PKIA: variants seen among roughly 807,000 people sequenced by gnomAD.
PKIA encodes cAMP-dependent protein kinase inhibitor alpha.
Under a neutral mutation model 7.6 loss-of-function variants are expected in PKIA, and 4 were observed. That is an observed-to-expected ratio of 0.52 (90% CI 0.26 to 1.20). PKIA has a LOEUF of 1.20. Among genes scored for constraint, PKIA ranks in the 50% most tolerant of loss-of-function variants. PKIA has a pLI of 0.13. For missense variants in PKIA, 73 were observed against 86.2 expected, an observed-to-expected ratio of 0.85 and a Z score of 0.61; for synonymous variants, 21 against 30.7, an observed-to-expected ratio of 0.68 and a Z score of 1.04.
At chr8:78,527,097 C>CT (rs1394938228) in intron 1 of PKIA, among the ~76,000 whole-genome samples, 3 of 151,988 alleles carry the variant, frequency 2.0e-5, no homozygotes, top group African/African-American at 7.2e-5. Flanking sequence ...GGTAGAGTCT[C>CT]TTCATGTATT....
In PKIA at chr8:78,516,671, G is replaced by C. The variant is rs148567949; in HGVS notation, c.-157+203G>C. 5.3e-5 allele frequency among the ~76,000 whole-genome samples: 8 copies of C among 152,336 alleles called. No individual in the cohort carries two copies. The East Asian group carries it at 1.3e-3, about 26-fold the overall frequency. ...CAGTGTTACTGGGCAAACAAAGAAG[G>C]CGTTCTTGCCTCTATACTCTTTTGA... is the stretch of plus-strand genomic sequence containing the variant. On this transcript the variant is annotated intron_variant, in intron 1 of 3. Transcript: ENST00000396418.
At chr8:78,584,987 A>G (rs919986358) in intron 2 of PKIA, among the ~76,000 whole-genome samples, 2 of 152,030 alleles carry the variant, frequency 1.3e-5, no homozygotes, top group African/African-American at 2.4e-5. Flanking sequence ...AAGAGAGTCA[A>G]TAGTAGAGCT....
At chr8:78,524,212 ATAAACATTTATATTTATATATAAAT>A (rs1563565848) in intron 1 of PKIA, among the ~76,000 whole-genome samples, 1 of 139,362 alleles carries the variant, frequency 7.2e-6, no homozygotes, top group African/African-American at 2.8e-5. Flanking sequence ...TTATATATAT[ATAAACATTTATATTTATATATAAAT>A]ATATATGTTT....
chr8:78,564,972 A>G (rs1807369040), intron 1 of PKIA, among the ~76,000 whole-genome samples: 1 of 151,886 alleles, frequency 6.6e-6, no homozygotes, highest in Non-Finnish European at 1.5e-5. Flanking sequence ...TTGTTTTAAA[A>G]TATTTTTAGT....
chr8:78,601,652 T>G (rs975146794), intron 3 of PKIA, 90 bp from the exon 4 acceptor site: 5 of 967,842 alleles, frequency 5.2e-6, no homozygotes, highest in Non-Finnish European at 6.5e-6. Flanking sequence ...TTAGTATTTC[T>G]GAAGTTACCA....
At chr8:78,553,110 G>A (rs1314069174) in intron 1 of PKIA, among the ~76,000 whole-genome samples, 9 of 145,318 alleles carry the variant, frequency 6.2e-5, no homozygotes, top group African/African-American at 2.2e-4. Context: ...AAAAAAGCCT[G>A]AAAAGCACTG....
chr8:78,543,731 C>T (rs867267951), intron 1 of PKIA, among the ~76,000 whole-genome samples: 3 of 152,142 alleles, frequency 2.0e-5, no homozygotes, highest in Non-Finnish European at 4.4e-5. Context: ...TTTTCCAATG[C>T]TAAAATCAGG....
At chr8:78,521,141 C>G (rs556651976) in intron 1 of PKIA, among the ~76,000 whole-genome samples, 1 of 152,204 alleles carries the variant, frequency 6.6e-6, no homozygotes, top group African/African-American at 2.4e-5. Flanking sequence ...TGTTCTCAGA[C>G]TTAAGAGTAT....
rs769550466 is a variant in PKIA at position 78,584,491 on chromosome 8, G to A, written c.-28+11552G>A. Reference sequence around the variant, plus strand: ...GTTGTGTTATAAGATATTAAAAGTTGGTGTGAATTAAAGAAGTGACATGCA... The same window carrying A: ...GTTGTGTTATAAGATATTAAAAGTTAGTGTGAATTAAAGAAGTGACATGCA... On this transcript the variant is annotated intron_variant, in intron 2 of 3. Coordinates refer to ENST00000396418, the MANE Select transcript of PKIA (RefSeq NM_006823.4). 1.7e-4 allele frequency among the ~76,000 whole-genome samples: 26 copies of A among 151,938 alleles called. 1 individual carries two copies. The highest frequency in any genetic ancestry group is 2.1e-4 in the South Asian group (1 of 4,826).
At chr8:78,598,043 T>C (rs1191274896) in intron 2 of PKIA, among the ~76,000 whole-genome samples, 1 of 149,594 alleles carries the variant, frequency 6.7e-6, no homozygotes, top group Admixed American at 6.7e-5. Context: ...TAATACTGTA[T>C]ATTATGTAAA....
chr8:78,567,440 C>G (rs1002000640), intron 1 of PKIA, among the ~76,000 whole-genome samples: 1 of 151,964 alleles, frequency 6.6e-6, no homozygotes, highest in Non-Finnish European at 1.5e-5. Context: ...GTATTTTGTA[C>G]GATGCCCCAC....
rs559028056 is a variant in PKIA, at chr8:78,570,965, C to T, written c.-156-1846C>T. 5.3e-5 allele frequency among the ~76,000 whole-genome samples: 8 copies of T among 152,168 alleles called. No individual in the cohort carries two copies. In the East Asian group the frequency reaches 1.6e-3, roughly 29 times the overall value. On this transcript the variant is annotated intron_variant, in intron 1 of 3. Transcript: ENST00000396418. The stretch of plus-strand genomic sequence containing the variant: ...AATGAATTAAGACTGCTCTCTCTTC[C>T]ATTACACTATGTAATAATTTGTACT...
intron 1 of PKIA, among the ~76,000 whole-genome samples, chr8:78,526,411 G>A (rs980205021): frequency 6.6e-6 from 1 of 151,932 alleles, no homozygotes; most frequent in Non-Finnish European, 1.5e-5. Flanking sequence ...CTAATCACTC[G>A]TTTCACTGGC....
intron 1 of PKIA, among the ~76,000 whole-genome samples, chr8:78,530,149 G>A (rs1806357870): frequency 6.6e-6 from 1 of 151,896 alleles, no homozygotes; most frequent in African/African-American, 2.4e-5. Context: ...CATTTTTATA[G>A]TCATTGTCTT....
At chr8:78,582,003 T>A (rs1807822765) in intron 2 of PKIA, among the ~76,000 whole-genome samples, 1 of 152,020 alleles carries the variant, frequency 6.6e-6, no homozygotes, top group African/African-American at 2.4e-5. Context: ...TTTTTGTAAG[T>A]GTGAGATCAT....
intron 2 of PKIA, among the ~76,000 whole-genome samples, chr8:78,573,569 T>G (rs1302838581): frequency 1.3e-5 from 2 of 151,940 alleles, no homozygotes; most frequent in African/African-American, 2.4e-5. Flanking sequence ...ACATCCCATT[T>G]TATGGAAAGA....
intron 1 of PKIA, among the ~76,000 whole-genome samples, chr8:78,516,994 CTCTTA>C (rs1809328683): frequency 1.3e-5 from 2 of 152,158 alleles, no homozygotes; most frequent in Admixed American, 6.5e-5. Flanking sequence ...GGGGAAACTT[CTCTTA>C]TCTCCTGGAG....
At chr8:78,524,500 T>C (rs948173017) in intron 1 of PKIA, among the ~76,000 whole-genome samples, 3 of 151,664 alleles carry the variant, frequency 2.0e-5, no homozygotes, top group African/African-American at 7.3e-5. Flanking sequence ...ATGGGGCTGA[T>C]GTTCTTAACT....
chr8:78,577,609 G>A (rs996881554), intron 2 of PKIA, among the ~76,000 whole-genome samples: 25 of 151,684 alleles, frequency 1.6e-4, no homozygotes, highest in African/African-American at 5.8e-4. Flanking sequence ...ATTCATATAC[G>A]ACTACAATTT....
Sources: gnomAD v4.1 joint callset for allele counts (sites outside exome capture counted in the v4.1 genomes callset) on GRCh38, gnomAD v4.1.1 for gene constraint, MANE v1.5 for transcripts, NCBI Gene and HGNC (gene_info 2026-07-23, HGNC 2026-07-21) for gene names.